Variants in PTDSS1 observed in about 807,000 individuals in gnomAD.
The protein encoded by PTDSS1 is phosphatidylserine synthase 1.
PTDSS1 carries 45 observed loss-of-function variants against 70.5 expected under a neutral mutation model. The ratio of observed to expected loss-of-function variants is 0.64; its 90% CI spans 0.50 to 0.82. The LOEUF (loss-of-function observed/expected upper bound fraction) is 0.82, where lower values mean the gene tolerates loss of function less well. Ranked by LOEUF, PTDSS1 falls within the 40% of genes least tolerant of loss-of-function variation. PTDSS1 has a pLI of 0.00. For synonymous variants in PTDSS1, 188 were observed against 203.8 expected, an observed-to-expected ratio of 0.92 and a Z score of 0.66; for missense variants, 417 against 586.1, an observed-to-expected ratio of 0.71 and a Z score of 2.98.
chr8:96,332,789 T>C (rs1231131967), intron 12 of PTDSS1, among the ~76,000 whole-genome samples: 1 of 152,248 alleles, frequency 6.6e-6, no homozygotes, highest in South Asian at 2.1e-4. Flanking sequence ...TGGTAACTTT[T>C]TTTTTGTTGG....
At position 96,301,565 on chromosome 8, in the gene PTDSS1, G is replaced by A. The variant is rs149804368; in HGVS notation, c.752+1720G>A. On this transcript the variant is annotated intron_variant, in intron 6 of 12. Coordinates refer to ENST00000517309, the MANE Select transcript of PTDSS1 (RefSeq NM_014754.3). The stretch of plus-strand genomic sequence containing the variant: ...ATGGAGTTTCACTCTTGTTGCCCAG[G>A]CTGGAATGCAATGGCACAATCTCGG... Among the ~76,000 whole-genome samples the A allele has an allele frequency of 3.3e-3, 505 of 151,892 alleles. 16 individuals are homozygous for A. The East Asian group carries it at 0.055, about 17-fold the overall frequency.
chr8:96,266,824 T>C (rs184457613), intron 1 of PTDSS1, among the ~76,000 whole-genome samples: 11 of 152,368 alleles, frequency 7.2e-5, no homozygotes, highest in African/African-American at 2.6e-4. Context: ...TTATTGAACT[T>C]AATGTTTTAC....
intron 5 of PTDSS1, 22 bp downstream of exon 5, chr8:96,295,278 GT>G (rs770242704): frequency 1.9e-6 from 3 of 1,605,074 alleles, no homozygotes; most frequent in Non-Finnish European, 1.7e-6. Flanking sequence ...GGCATTGGGG[GT>G]TCCCCAGACT....
At chr8:96,283,794 A>G (rs1810780554) in intron 2 of PTDSS1, 1 of 301,236 alleles carries the variant, frequency 3.3e-6, no homozygotes, top group Non-Finnish European at 6.1e-6. Context: ...ACTTAAGCCT[A>G]GCCTGATGAC....
chr8:96,262,056 G>A lies in PTDSS1; in HGVS notation c.16G>A (p.Gly6Arg). Reference sequence around the variant, plus strand: ...GAGGCGGGCCATGGCGTCCTGCGTGGGGAGCCGGACCCTAAGCAAGGATGA... The same window carrying A: ...GAGGCGGGCCATGGCGTCCTGCGTGAGGAGCCGGACCCTAAGCAAGGATGA... MASCV[G>R]SRTLSKDDVN... Residue 6 changes from glycine to arginine, a missense_variant, in exon 1 of 13, where the codon GGG (glycine) becomes AGG (arginine). Gly to Arg is a moderately radical substitution (Grantham distance 125). This residue lies in a region of PTDSS1 where 38 missense variants were observed against 34.3 expected (regional missense o/e 1.11). Transcript: ENST00000517309. The surrounding 1 kb of genome is among the most constrained non-coding windows in gnomAD (Gnocchi z 4.4). 1 of 1,613,054 alleles carries A rather than the reference G, an allele frequency of 6.2e-7. No homozygotes were observed. The highest frequency in any genetic ancestry group is 8.5e-7 in the Non-Finnish European group (1 of 1,179,442).
intron 1 of PTDSS1, among the ~76,000 whole-genome samples, chr8:96,265,166 G>C (rs1178274990): frequency 6.6e-6 from 1 of 152,148 alleles, no homozygotes; most frequent in African/African-American, 2.4e-5. Flanking sequence ...TAAGATTTTA[G>C]TTGGACAATT....
intron 10 of PTDSS1, among the ~76,000 whole-genome samples, chr8:96,327,702 T>C (rs1811457251): frequency 6.6e-6 from 1 of 152,046 alleles, no homozygotes; most frequent in African/African-American, 2.4e-5. Context: ...AGGAGCGTGG[T>C]TGTCTGCTCG....
intron 2 of PTDSS1, among the ~76,000 whole-genome samples, chr8:96,282,933 A>G (rs1214183473): frequency 6.6e-6 from 1 of 152,126 alleles, no homozygotes; most frequent in East Asian, 1.9e-4. Context: ...TAAGGAGGAA[A>G]CCAACCATAT....
At chr8:96,269,392 T>G (rs1810530460) in intron 1 of PTDSS1, among the ~76,000 whole-genome samples, 1 of 152,230 alleles carries the variant, frequency 6.6e-6, no homozygotes, top group Non-Finnish European at 1.5e-5. Context: ...TTCAGGGCAC[T>G]GCAGACTGGG....
At chr8:96,267,014 C>G (rs1045189998) in intron 1 of PTDSS1, among the ~76,000 whole-genome samples, 1 of 152,184 alleles carries the variant, frequency 6.6e-6, no homozygotes, top group African/African-American at 2.4e-5. Flanking sequence ...TACCTAGGAA[C>G]TGCTGCCTTT....
chr8:96,268,909 CTGTCATATCATCTTGCTCA>C (rs1810523740), intron 1 of PTDSS1, among the ~76,000 whole-genome samples: 1 of 152,178 alleles, frequency 6.6e-6, no homozygotes, highest in African/African-American at 2.4e-5. Context: ...CTGGCCTACT[CTGTCATATCATCTTGCTCA>C]TTCTTGCCAC....
At chr8:96,279,441 A>G (rs1235045104) in intron 2 of PTDSS1, among the ~76,000 whole-genome samples, 2 of 150,072 alleles carry the variant, frequency 1.3e-5, no homozygotes, top group Non-Finnish European at 3.0e-5. Flanking sequence ...CCAAAAGGTC[A>G]CCATCTTCTA....
chr8:96,311,618 T>G (rs1811213046), intron 9 of PTDSS1, among the ~76,000 whole-genome samples: 1 of 152,144 alleles, frequency 6.6e-6, no homozygotes, highest in Non-Finnish European at 1.5e-5. Flanking sequence ...GATACTCAGG[T>G]TAGATTTAGG....
chr8:96,298,683 T>C (rs1811009158), intron 5 of PTDSS1, among the ~76,000 whole-genome samples: 1 of 152,148 alleles, frequency 6.6e-6, no homozygotes. Flanking sequence ...TCAGCCTCAG[T>C]CAGAATGAAT....
chr8:96,261,952 C>CT lies in PTDSS1; in HGVS notation c.-88dup. Reference sequence around the variant, plus strand: ...CGCCAGACCCGGCTTTGCCGTCCGGCTATTAGCCTACTGTGGCTAGTCACC... The same window carrying CT: ...CGCCAGACCCGGCTTTGCCGTCCGGCTTATTAGCCTACTGTGGCTAGTCACC... On this transcript the variant is annotated 5_prime_UTR_variant, in exon 1 of 13. Transcript: ENST00000517309. The CT allele has an allele frequency of 7.3e-7, 1 of 1,373,858 alleles. No individual in the cohort carries two copies. The highest frequency in any genetic ancestry group is 9.9e-7 in the Non-Finnish European group (1 of 1,010,160). 85.1% of individuals were successfully genotyped at this position (1,373,858 alleles called of 1,614,324 possible). A position where few individuals can be genotyped will look rare whatever the true frequency, so the allele number is the denominator to read the frequency against.
At chr8:96,286,413 G>A (rs1810823400) in intron 3 of PTDSS1, among the ~76,000 whole-genome samples, 1 of 152,156 alleles carries the variant, frequency 6.6e-6, no homozygotes, top group Non-Finnish European at 1.5e-5. Context: ...CCTACACGGG[G>A]TAATGTGGAG....
chr8:96,300,022 A>G (rs1239069153), intron 6 of PTDSS1, among the ~76,000 whole-genome samples, 177 bp downstream of exon 6: 2 of 152,196 alleles, frequency 1.3e-5, no homozygotes, highest in Admixed American at 6.5e-5. Flanking sequence ...AAAATGCTCA[A>G]TCATTTATGA....
intron 4 of PTDSS1, among the ~76,000 whole-genome samples, chr8:96,292,461 T>C (rs80260687): frequency 0.016 from 2,407 of 151,528 alleles, 25 homozygotes; most frequent in Middle Eastern, 0.031. Flanking sequence ...GAGGTCCTGA[T>C]TGGGGGTGTG....
chr8:96,264,206 AT>A (rs2129979055), intron 1 of PTDSS1, among the ~76,000 whole-genome samples: 1 of 152,280 alleles, frequency 6.6e-6, no homozygotes, highest in East Asian at 1.9e-4. Flanking sequence ...TGGCCACATA[AT>A]TTTGCTAGGC....
Sources: gnomAD v4.1 joint callset for allele counts (sites outside exome capture counted in the v4.1 genomes callset) on GRCh38, gnomAD v4.1.1 for gene constraint, gnomAD v4.1.1 regional missense constraint, Gnocchi (gnomAD v3.1) non-coding constraint, MANE v1.5 for transcripts, NCBI Gene and HGNC (gene_info 2026-07-23, HGNC 2026-07-21) for gene names.